The following AFF4 variants were observed in gnomAD, a reference collection of about 807,000 sequenced individuals.
The protein encoded by AFF4 is ALF transcription elongation factor 4.
In AFF4, 13 loss-of-function variants were observed where a neutral mutation model predicts 124.8. The observed-to-expected ratio is 0.10, with a 90% confidence interval of 0.07 to 0.17. AFF4 has a LOEUF of 0.17. Among genes scored for constraint, AFF4 ranks in the 10% least tolerant of loss-of-function variants. The pLI, the probability that AFF4 is intolerant of heterozygous loss-of-function variation, is 1.00. For missense variants in AFF4, 1,092 were observed against 1,403.8 expected (o/e 0.78, Z 3.55); for synonymous variants, 477 against 496.1 (o/e 0.96, Z 0.51).
In AFF4 at chr5:132,886,401, A is replaced by G; in HGVS notation, c.3008T>C (p.Leu1003Pro). 6.2e-7 allele frequency: 1 copy of G among 1,613,610 alleles called. No individual in the cohort carries two copies. Among genetic ancestry groups the G allele is most frequent in the Non-Finnish European group, 8.5e-7 (1 of 1,179,892 alleles). ...AADKRLTVLC[L>P]RCESLLYLRL... ...CAGGTACAGCAAAGACTCGCATCGC[A>G]GGCTAGCCAATGGAAAAGGGCGGCT... The change falls in exon 18 of 21, where the codon CTG becomes CCG. Residue 1003 changes from leucine (L) to proline (P), a missense_variant and splice_region_variant. Coordinates refer to ENST00000265343, the MANE Select transcript of AFF4 (RefSeq NM_014423.4).
intron 10 of AFF4, 101 bp downstream of exon 10, chr5:132,898,129 C>T: frequency 7.1e-7 from 1 of 1,408,442 alleles, no homozygotes. Flanking sequence ...GACTATGGAA[C>T]CTTCTTTCCT....
intron 5 of AFF4, among the ~76,000 whole-genome samples, chr5:132,925,001 C>G (rs1761136100): frequency 6.6e-6 from 1 of 151,850 alleles, no homozygotes; most frequent in African/African-American, 2.4e-5. Context: ...ATGGTGAAAC[C>G]CTGTCTCTAC....
chr5:132,954,918 T>C (rs995504190), intron 1 of AFF4, among the ~76,000 whole-genome samples: 7 of 152,170 alleles, frequency 4.6e-5, no homozygotes, highest in African/African-American at 1.7e-4. Flanking sequence ...GTCAGGGTGA[T>C]AGCCTTTCAC....
chr5:132,941,828 G>A (rs1761575660), intron 1 of AFF4, among the ~76,000 whole-genome samples: 1 of 151,884 alleles, frequency 6.6e-6, no homozygotes, highest in African/African-American at 2.4e-5. Context: ...GCCAACACGG[G>A]GAATCCCCTC....
In AFF4 at chr5:132,876,528, G is replaced by T. The variant is rs1561473844; in HGVS notation, c.*4531C>A. On this transcript the variant is annotated 3_prime_UTR_variant, in exon 21 of 21. Transcript: ENST00000265343. ...AGTTATGTTTAGCTGAGTAACAGTG[G>T]CAAGGAGAGGTCAATGCTGACATTC... is the stretch of plus-strand genomic sequence containing the variant. 1 of 214,158 alleles carries T rather than the reference G, an allele frequency of 4.7e-6. No homozygotes were observed. Among genetic ancestry groups the T allele is most frequent in the Non-Finnish European group, 9.5e-6 (1 of 105,810 alleles). The allele number at this position is 214,158 out of a possible 1,614,324, so 13.3% of individuals were successfully genotyped here. A position where few individuals can be genotyped will look rare whatever the true frequency, so the allele number is the denominator to read the frequency against.
In AFF4 at chr5:132,938,964, G is replaced by A. The variant is rs1156973405; in HGVS notation, c.-4-1771C>T. Among the ~76,000 whole-genome samples, 67 of 90,332 alleles carry A rather than the reference G, an allele frequency of 7.4e-4. 1 individual carries two copies. The East Asian group carries it at 0.022, about 29-fold the overall frequency. 59.3% of individuals were successfully genotyped at this position (90,332 alleles called of 152,430 possible). A position where few individuals can be genotyped will look rare whatever the true frequency, so the allele number is the denominator to read the frequency against. On this transcript the variant is annotated intron_variant, in intron 1 of 20. Coordinates refer to ENST00000265343, the MANE Select transcript of AFF4 (RefSeq NM_014423.4). ...CTCAAAAAAAAAAAAAAAAAAAAAA[G>A]GCAATTTAATGTTTAGAAAAAAAAA...
chr5:132,929,708 TGA>T (rs1761257539), intron 4 of AFF4, among the ~76,000 whole-genome samples: 1 of 152,170 alleles, frequency 6.6e-6, no homozygotes, highest in Admixed American at 6.6e-5. Flanking sequence ...CAGTCAGTAA[TGA>T]GAGAGGTTAG....
rs762037136 is a variant in AFF4, at chr5:132,934,824, T to C, written c.241A>G (p.Thr81Ala). 24 of 1,614,044 alleles carry C rather than the reference T, an allele frequency of 1.5e-5. No homozygotes were observed. Among genetic ancestry groups the C allele is most frequent in the Non-Finnish European group, 1.9e-5 (22 of 1,180,038 alleles). ...IPKLVAIPKPTVPPSADEKSN... is the reference protein window; with the variant it reads ...IPKLVAIPKPAVPPSADEKSN... The stretch of plus-strand genomic sequence containing the variant: ...TTTTCATCTGCTGATGGTGGTACTG[T>C]AGGCTTGGGAATTGCAACAAGCTTT... The change falls in exon 3 of 21, where the codon ACA (threonine) becomes GCA (alanine). Residue 81 changes from threonine to alanine, a missense_variant. Thr to Ala is a moderately conservative substitution (Grantham distance 58). This residue lies in a region of AFF4 where 35 missense variants were observed against 70.9 expected (regional missense o/e 0.49). Transcript: ENST00000265343.
intron 1 of AFF4, among the ~76,000 whole-genome samples, chr5:132,945,755 T>A (rs1761682623): frequency 6.9e-6 from 1 of 145,020 alleles, no homozygotes; most frequent in African/African-American, 2.6e-5. Context: ...AGACTCCATC[T>A]CAAAATAAAA....
At chr5:132,960,291 T>C (rs1358634124) in intron 1 of AFF4, among the ~76,000 whole-genome samples, 1 of 152,150 alleles carries the variant, frequency 6.6e-6, no homozygotes, top group Non-Finnish European at 1.5e-5. Context: ...AAAGTCTTCA[T>C]AGTGAGATAT....
Position 132,934,888 on chromosome 5 carries a change from G to A in AFF4, c.177C>T (p.Tyr59=), listed in dbSNP as rs367549038. Residue 59 remains tyrosine, a synonymous_variant, in exon 3 of 21, where the codon TAC becomes TAT. Coordinates refer to ENST00000265343, the MANE Select transcript of AFF4 (RefSeq NM_014423.4). ...SSRIQSMLGN[Y]DEMKDFIGDR... ...CTCCTATGAAATCCTTCATTTCATC[G>A]TAGTTTCCAAGCATACTCTGAATAC... is the stretch of plus-strand genomic sequence containing the variant. The A allele has an allele frequency of 1.8e-4, 291 of 1,613,492 alleles. 1 individual carries two copies. Among genetic ancestry groups the A allele is most frequent in the South Asian group, 8.6e-4 (78 of 90,990 alleles).
chr5:132,933,272 C>T (rs188069714), intron 3 of AFF4, among the ~76,000 whole-genome samples: 82 of 152,160 alleles, frequency 5.4e-4, no homozygotes, highest in African/African-American at 1.8e-3. Context: ...TGGCACATGC[C>T]TGTAATCCCA....
Position 132,958,955 on chromosome 5 carries a change from G to T in AFF4, c.-5+4304C>A, listed in dbSNP as rs185409208. Among the ~76,000 whole-genome samples, 91 of 152,246 alleles carry T rather than the reference G, an allele frequency of 6.0e-4. 1 individual carries two copies. Among genetic ancestry groups the T allele is most frequent in the Admixed American group, 2.0e-3 (31 of 15,268 alleles). On this transcript the variant is annotated intron_variant, in intron 1 of 20. Coordinates refer to ENST00000265343, the MANE Select transcript of AFF4 (RefSeq NM_014423.4). ...CAACAACCTTGGGAAAAGAATACAT[G>T]AAGTTCTTTTACCTGTCCTAGGAAA...
chr5:132,949,666 A>C (rs1379247547), intron 1 of AFF4, among the ~76,000 whole-genome samples: 1 of 151,318 alleles, frequency 6.6e-6, no homozygotes, highest in Admixed American at 6.6e-5. Context: ...TGGCTAACAC[A>C]GTGAAACCCC....
At chr5:132,919,736 G>A (rs1561495162) in intron 5 of AFF4, among the ~76,000 whole-genome samples, 1 of 152,122 alleles carries the variant, frequency 6.6e-6, no homozygotes, top group East Asian at 1.9e-4. Context: ...TGTAATTCCA[G>A]CTATTCGGGA....
At chr5:132,888,627 T>C (rs1461873299) in intron 14 of AFF4, among the ~76,000 whole-genome samples, 1 of 152,078 alleles carries the variant, frequency 6.6e-6, no homozygotes, top group Non-Finnish European at 1.5e-5. Context: ...CTTGGACTAG[T>C]GGGTACTTTT....
chr5:132,884,694 G>C (rs1760071508), intron 19 of AFF4, among the ~76,000 whole-genome samples: 1 of 152,192 alleles, frequency 6.6e-6, no homozygotes. Flanking sequence ...TAGGTGGGAT[G>C]AAAGTGACGT....
Position 132,896,410 on chromosome 5 carries a change from T to A in AFF4, c.2220A>T (p.Glu740Asp), listed in dbSNP as rs1760398314. Residue 740 changes from glutamate (E) to aspartate (D), a missense_variant, in exon 11 of 21, where the codon GAA (glutamate) becomes GAT (aspartate). By Grantham distance (45) the Glu-to-Asp change is conservative (BLOSUM62 2). Coordinates refer to ENST00000265343, the MANE Select transcript of AFF4 (RefSeq NM_014423.4). ...TGTGCTTTTCTGGCACATTTTTCTT[T>A]TCCCCCTTGGGCGGCTCTGTTTCTT... ...PYKETEPPKG[E>D]KKNVPEKHTR... 1 of 1,613,874 alleles carries A rather than the reference T, an allele frequency of 6.2e-7. No individual in the cohort carries two copies.
chr5:132,907,498 G>A (rs2150079869), intron 5 of AFF4, among the ~76,000 whole-genome samples: 1 of 152,238 alleles, frequency 6.6e-6, no homozygotes, highest in South Asian at 2.1e-4. Context: ...ACCTTTGCAA[G>A]TACTCACGCA....
Sources: allele counts gnomAD v4.1 joint callset (sites outside exome capture counted in the v4.1 genomes callset), GRCh38; gene constraint gnomAD v4.1.1; regional missense constraint gnomAD v4.1.1; transcripts MANE v1.5; gene names NCBI Gene and HGNC (gene_info 2026-07-23, HGNC 2026-07-21).